Variants in KDM2B observed in about 807,000 individuals in gnomAD.
KDM2B encodes lysine demethylase 2B.
KDM2B carries 26 observed loss-of-function variants against 150.0 expected under a neutral mutation model. The observed-to-expected ratio is 0.17, with a 90% CI of 0.13 to 0.24. The LOEUF is 0.24. Ranked by LOEUF, KDM2B falls within the 10% of genes least tolerant of loss-of-function variation. The pLI is 1.00. For synonymous variants in KDM2B, 734 were observed against 729.5 expected, an observed-to-expected ratio of 1.01 and a Z score of -0.10; for missense variants, 1,265 against 1,816.9, an observed-to-expected ratio of 0.70 and a Z score of 5.52.
intron 8 of KDM2B, among the ~76,000 whole-genome samples, chr12:121,525,037 GA>G (rs1288671833): frequency 4.6e-5 from 7 of 152,304 alleles, no homozygotes; most frequent in Middle Eastern, 6.8e-3. Flanking sequence ...AGAGGTCTCA[GA>G]ACTGGGCAAG....
At chr12:121,565,849 A>G (rs1890665225) in intron 4 of KDM2B, among the ~76,000 whole-genome samples, 1 of 151,462 alleles carries the variant, frequency 6.6e-6, no homozygotes, top group Middle Eastern at 3.4e-3. Flanking sequence ...CTGGTCTCGA[A>G]CTCCTGACCT....
At chr12:121,421,371 T>TAAAAAAAAAA in the KDM2B span, among the ~76,000 whole-genome samples, 2 of 46,368 alleles carry the variant, frequency 4.3e-5, no homozygotes, top group Non-Finnish European at 8.8e-5. Flanking sequence ...ATCCCATCTC[T>TAAAAAAAAAA]AAAAAAAAAA....
At chr12:121,457,419 G>C (rs1490740493) in intron 12 of KDM2B, among the ~76,000 whole-genome samples, 2 of 151,992 alleles carry the variant, frequency 1.3e-5, no homozygotes, top group East Asian at 1.9e-4. Context: ...GCGCCACCAA[G>C]CCCAGCTAAG....
chr12:121,422,606 C>T, the KDM2B span, among the ~76,000 whole-genome samples: 1 of 152,228 alleles, frequency 6.6e-6, no homozygotes, highest in Admixed American at 6.5e-5. Flanking sequence ...GACTACTGAC[C>T]TTTCAAGCTT....
chr12:121,433,617 A>ACT (rs781810951), intron 22 of KDM2B, among the ~76,000 whole-genome samples: 12 of 152,242 alleles, frequency 7.9e-5, no homozygotes, highest in Non-Finnish European at 1.3e-4. Flanking sequence ...GAAAGTCAAG[A>ACT]CTTAATACAG....
Position 121,442,159 on chromosome 12 carries a change from G to T in KDM2B, c.3282C>A (p.Arg1094=). 1.9e-6 allele frequency: 3 copies of T among 1,613,482 alleles called. No individual in the cohort carries two copies. The highest frequency in any genetic ancestry group is 2.5e-6 in the Non-Finnish European group (3 of 1,179,908). ...VCMRVCRTWN[R]WCCDKRLWTR... The stretch of plus-strand genomic sequence containing the variant: ...GCCCTACACAGGCCGCCGCTCACCA[G>T]CGGTTCCAGGTCCTGCAGACCCGCA... Residue 1094 remains arginine (R), a splice_region_variant and synonymous_variant, in exon 19 of 23, where the codon CGC becomes CGA. Transcript: ENST00000377071. The surrounding 1 kb of genome is among the most constrained non-coding windows in gnomAD (Gnocchi z 7.7).
the KDM2B span, chr12:121,420,405 A>T: frequency 0.12 from 193,608 of 1,550,358 alleles, 16,672 homozygotes; most frequent in African/African-American, 0.42. Flanking sequence ...CCCTGTGGAC[A>T]TTCGCTAGAT....
Position 121,520,854 on chromosome 12 carries a change from C to G in KDM2B, c.1047+131G>C. The G allele has an allele frequency of 1.8e-6, 1 of 555,162 alleles. No individual in the cohort carries two copies. The highest frequency in any genetic ancestry group is 3.7e-5 in the East Asian group (1 of 26,824). 34.4% of individuals were successfully genotyped at this position (555,162 alleles called of 1,614,324 possible). ...CCCCGCCACAGAACCAGGACTGAAG[C>G]CAGCTTGAGAGAGGAATCGGGAGGG... On this transcript the variant is annotated intron_variant, in intron 9 of 22. Coordinates refer to ENST00000377071, the MANE Select transcript of KDM2B (RefSeq NM_032590.5). This position sits in a 1 kb window ranked among gnomAD's most constrained non-coding sequence, Gnocchi z 4.5.
chr12:121,576,938 C>G (rs180945862), intron 2 of KDM2B, among the ~76,000 whole-genome samples: 127 of 152,274 alleles, frequency 8.3e-4, no homozygotes, highest in Admixed American at 3.5e-3. Flanking sequence ...AGAACAAAAC[C>G]CAAAGCCGGG....
At chr12:121,525,201 C>G (rs1409555232) in intron 8 of KDM2B, among the ~76,000 whole-genome samples, 1 of 152,176 alleles carries the variant, frequency 6.6e-6, no homozygotes, top group African/African-American at 2.4e-5. Context: ...TAGTTGGGAC[C>G]AGGGGCCAAT....
intron 4 of KDM2B, among the ~76,000 whole-genome samples, chr12:121,557,686 T>A (rs1890007009): frequency 6.6e-6 from 1 of 152,148 alleles, no homozygotes; most frequent in Admixed American, 6.6e-5. Context: ...AGGAAGGACC[T>A]GCCCCTAGAG....
chr12:121,427,594 A>G (rs1271087488), downstream of KDM2B, among the ~76,000 whole-genome samples: 1 of 152,208 alleles, frequency 6.6e-6, no homozygotes, highest in Non-Finnish European at 1.5e-5. Context: ...GTACTGAAGT[A>G]CAATCTTACT....
chr12:121,508,822 T>A (rs1277110360), intron 11 of KDM2B, among the ~76,000 whole-genome samples: 2 of 152,228 alleles, frequency 1.3e-5, no homozygotes, highest in Non-Finnish European at 2.9e-5. Flanking sequence ...CCGCATCAGC[T>A]GGCCGTGTCA....
At chr12:121,496,498 T>C (rs1290165997) in intron 11 of KDM2B, among the ~76,000 whole-genome samples, 2 of 147,854 alleles carry the variant, frequency 1.4e-5, no homozygotes, top group Non-Finnish European at 3.0e-5. Context: ...TTGTCCTTTT[T>C]TTTTTTTTTT....
chr12:121,563,181 C>T (rs1265568755), intron 4 of KDM2B, among the ~76,000 whole-genome samples: 2 of 151,958 alleles, frequency 1.3e-5, no homozygotes, highest in Non-Finnish European at 2.9e-5. Flanking sequence ...AACAATTAGC[C>T]GTGCATGCCC....
rs782556635 is a variant in KDM2B at position 121,509,911 on chromosome 12, C to T, written c.1303G>A (p.Ala435Thr). 2.5e-6 allele frequency: 4 copies of T among 1,612,690 alleles called. No individual in the cohort carries two copies. The highest frequency in any genetic ancestry group is 2.2e-5 in the South Asian group (2 of 90,962). ...KDEEGEGRDRAPKPPTDGSTS... is the reference protein window; with the variant it reads ...KDEEGEGRDRTPKPPTDGSTS... ...GAGCCATCGGTGGGCGGTTTGGGTG[C>T]CCTGTCCCTGCCCTCGCCCTCCTCG... The change falls in exon 11 of 23, where the codon GCA becomes ACA. Residue 435 changes from alanine to threonine, a missense_variant. Around this residue, in one of 11 missense-constraint regions of KDM2B, gnomAD observed 154 missense variants for 162.5 expected, o/e 0.95. Coordinates refer to ENST00000377071, the MANE Select transcript of KDM2B (RefSeq NM_032590.5).
chr12:121,572,360 C>T (rs555364055), intron 4 of KDM2B, among the ~76,000 whole-genome samples: 1 of 152,238 alleles, frequency 6.6e-6, no homozygotes, highest in Non-Finnish European at 1.5e-5. Flanking sequence ...GAGGCCCTCA[C>T]ATCCCAGCTC....
In KDM2B at chr12:121,457,247, ATTCTT is replaced by A. The variant is rs151066744; in HGVS notation, c.1735-3908_1735-3904del. Among the ~76,000 whole-genome samples, 626 of 151,922 alleles carry A rather than the reference ATTCTT, an allele frequency of 4.1e-3. 2 individuals are homozygous for A. Among genetic ancestry groups the A allele is most frequent in the East Asian group, 0.011 (59 of 5,166 alleles). On this transcript the variant is annotated intron_variant, in intron 12 of 22. Transcript: ENST00000377071. Reference sequence around the variant, plus strand: ...GTGCTACCCAAAGTTTCAAACGCCAATTCTTTTCTTTTCTTTTCTTTTCTTTTTTT... The same window carrying A: ...GTGCTACCCAAAGTTTCAAACGCCAATTCTTTTCTTTTCTTTTCTTTTTTT...
intron 13 of KDM2B, among the ~76,000 whole-genome samples, chr12:121,450,780 G>A (rs889324319): frequency 1.3e-5 from 2 of 151,802 alleles, no homozygotes; most frequent in Admixed American, 6.6e-5. Flanking sequence ...AAAATGGCAT[G>A]AACCCAGGAG....
Sources: allele counts gnomAD v4.1 joint callset (sites outside exome capture counted in the v4.1 genomes callset), GRCh38; gene constraint gnomAD v4.1.1; regional missense constraint gnomAD v4.1.1; non-coding constraint Gnocchi (gnomAD v3.1); transcripts MANE v1.5; gene names NCBI Gene and HGNC (gene_info 2026-07-23, HGNC 2026-07-21).